The following KNL1 variants were observed in gnomAD, a reference collection of about 807,000 sequenced individuals.
KNL1 encodes outer kinetochore KNL1 complex subunit KNL1.
KNL1 carries 66 observed loss-of-function variants against 201.3 expected under a neutral mutation model. The ratio of observed to expected loss-of-function variants is 0.33; its 90% CI spans 0.27 to 0.40. KNL1 has a LOEUF of 0.40. Among genes scored for constraint, KNL1 ranks in the 10% least tolerant of loss-of-function variants. The probability of loss-of-function intolerance (pLI) is 1.00; values close to 1 mark genes in which losing one functional copy is unlikely to be tolerated. For missense variants in KNL1, 2,815 were observed against 2,690.5 expected, an observed-to-expected ratio of 1.05 and a Z score of -1.02; for synonymous variants, 895 against 899.2, an observed-to-expected ratio of 1.00 and a Z score of 0.08.
chr15:40,651,568 T>C lies in KNL1; in HGVS notation c.6310T>C (p.Leu2104=), dbSNP rs367841176. 3.1e-6 allele frequency: 5 copies of C among 1,599,448 alleles called. No individual in the cohort carries two copies. The highest frequency in any genetic ancestry group is 4.3e-6 in the Non-Finnish European group (5 of 1,173,544). ...RNRTEELLDQ[L]SLSEWDVVEW... ...TAGAACTGAAGAGCTACTGGATCAGTTGAGGTAAGGAAATGCAGGCATCAT... is the reference window on the plus strand; with the variant it reads ...TAGAACTGAAGAGCTACTGGATCAGCTGAGGTAAGGAAATGCAGGCATCAT... Residue 2104 remains leucine (L), a synonymous_variant, in exon 20 of 26, where the codon TTG becomes CTG. Coordinates refer to ENST00000399668, the MANE Select transcript of KNL1 (RefSeq NM_144508.5).
intron 4 of KNL1, among the ~76,000 whole-genome samples, chr15:40,607,927 C>G (rs1022656030): frequency 4.0e-5 from 6 of 151,736 alleles, no homozygotes; most frequent in African/African-American, 1.5e-4. Flanking sequence ...GCCATATGAT[C>G]CAACAATTCC....
At chr15:40,601,079 G>T (rs1307801344) in intron 1 of KNL1, among the ~76,000 whole-genome samples, 1 of 152,194 alleles carries the variant, frequency 6.6e-6, no homozygotes, top group Non-Finnish European at 1.5e-5. Context: ...CCACTGCCTG[G>T]ATGGCACAGT....
At chr15:40,629,486 TTG>T in intron 13 of KNL1, 115 bp downstream of exon 13, 1 of 451,446 alleles carries the variant, frequency 2.2e-6, no homozygotes, top group Non-Finnish European at 3.8e-6. Context: ...TTTTTTTTTT[TTG>T]CCTTTTCTTT....
At chr15:40,640,098 C>G (rs1473750271) in intron 13 of KNL1, among the ~76,000 whole-genome samples, 1 of 124,506 alleles carries the variant, frequency 8.0e-6, no homozygotes, top group East Asian at 2.2e-4. Flanking sequence ...TTTTTCTTTT[C>G]TTTTTTTTTT....
chr15:40,598,432 A>G (rs760309628), intron 1 of KNL1, among the ~76,000 whole-genome samples: 1 of 151,988 alleles, frequency 6.6e-6, no homozygotes, highest in African/African-American at 2.4e-5. Context: ...AAAATTAGCC[A>G]GGAATGGTGG....
At chr15:40,652,660 G>A (rs1390968609) in intron 21 of KNL1, among the ~76,000 whole-genome samples, 4 of 150,694 alleles carry the variant, frequency 2.7e-5, no homozygotes, top group African/African-American at 9.8e-5. Flanking sequence ...TTACTCGGGA[G>A]GCTGAGACAG....
intron 13 of KNL1, among the ~76,000 whole-genome samples, chr15:40,636,705 C>T (rs906852079): frequency 1.3e-5 from 2 of 152,114 alleles, no homozygotes; most frequent in African/African-American, 4.8e-5. Flanking sequence ...GTGGTGCATG[C>T]CTGTAGTCCC....
chr15:40,602,241 G>A (rs1359681874), intron 1 of KNL1, among the ~76,000 whole-genome samples: 1 of 146,240 alleles, frequency 6.8e-6, no homozygotes, highest in Non-Finnish European at 1.5e-5. Flanking sequence ...CACCGTGTTA[G>A]CCAAGATGGT....
At chr15:40,647,489 A>AAAAT (rs1037761837) in intron 17 of KNL1, among the ~76,000 whole-genome samples, 28 of 152,064 alleles carry the variant, frequency 1.8e-4, no homozygotes, top group African/African-American at 6.5e-4. Context: ...AAATAATAAT[A>AAAAT]AAATAAATAA....
intron 25 of KNL1, among the ~76,000 whole-genome samples, chr15:40,661,838 C>G (rs182833289): frequency 3.9e-5 from 6 of 152,038 alleles, no homozygotes; most frequent in African/African-American, 1.2e-4. Context: ...GCCAGGAGAT[C>G]GAGACCATCC....
intron 1 of KNL1, among the ~76,000 whole-genome samples, chr15:40,600,075 CTTTTTT>C (rs10706832): frequency 2.0e-5 from 2 of 100,192 alleles, no homozygotes; most frequent in Non-Finnish European, 2.1e-5. Context: ...TTTGGGATTC[CTTTTTT>C]TTTTTTTTTT....
At chr15:40,658,932 A>AAAAAAAAAAAG (rs1893821456) in intron 24 of KNL1, among the ~76,000 whole-genome samples, 1 of 132,358 alleles carries the variant, frequency 7.6e-6, no homozygotes, top group Admixed American at 7.4e-5. Flanking sequence ...TCCATCTCAA[A>AAAAAAAAAAAG]AAAAAAAAAA....
In KNL1 at chr15:40,623,307, CT is replaced by C; in HGVS notation, c.3044del (p.Leu1015GlnfsTer14). On this transcript the variant is annotated frameshift_variant, in exon 10 of 26. Coordinates refer to ENST00000399668, the MANE Select transcript of KNL1 (RefSeq NM_144508.5). LOFTEE classifies it high-confidence loss of function. ...CCGTCTAGTAGCAAATGACAGCCAG[CT>C]AACCCCTCTGGAGGAATGGTCTAAT... The part of the protein sequence containing the change: ...SDRLVANDSQ[L>X]TPLEEWSNNR... 1 of 1,613,894 alleles carries C rather than the reference CT, an allele frequency of 6.2e-7. No individual in the cohort carries two copies. Among genetic ancestry groups the C allele is most frequent in the Non-Finnish European group, 8.5e-7 (1 of 1,179,860 alleles).
intron 21 of KNL1, 88 bp from the exon 22 acceptor site, chr15:40,654,821 A>C (rs1893671547): frequency 3.2e-6 from 3 of 944,916 alleles, no homozygotes; most frequent in Admixed American, 3.6e-5. Flanking sequence ...GTGGGCCAAG[A>C]CTGCGCCATT....
chr15:40,629,468 T>TTTA, intron 13 of KNL1, 97 bp downstream of exon 13: 1 of 608,870 alleles, frequency 1.6e-6, no homozygotes, highest in Non-Finnish European at 2.7e-6. Flanking sequence ...TATAGAGAGT[T>TTTA]TTCTTTTTTT....
chr15:40,643,880 T>G (rs1002566181), intron 14 of KNL1, among the ~76,000 whole-genome samples: 1 of 152,144 alleles, frequency 6.6e-6, no homozygotes, highest in African/African-American at 2.4e-5. Flanking sequence ...AGAAAAAAAC[T>G]AGGAAGAGTT....
Position 40,624,247 on chromosome 15 carries a change from A to T in KNL1, c.3983A>T (p.Glu1328Val), listed in dbSNP as rs1892657493. 1 of 1,613,878 alleles carries T rather than the reference A, an allele frequency of 6.2e-7. No homozygotes were observed. Among genetic ancestry groups the T allele is most frequent in the African/African-American group, 1.3e-5 (1 of 74,922 alleles). The change falls in exon 10 of 26, where the codon GAA becomes GTA. Residue 1328 changes from glutamate to valine, a missense_variant. This residue lies in a region of KNL1 where 2,464 missense variants were observed against 2,291.7 expected (regional missense o/e 1.08). Transcript: ENST00000399668. ...SAMLLCDKDE[E>V]KANYCPVQND... is the part of the protein sequence containing the mutation. The stretch of plus-strand genomic sequence containing the variant: ...ATGCTCTTATGTGATAAAGATGAGG[A>T]AAAAGCCAATTATTGCCCAGTGCAA...
Position 40,622,261 on chromosome 15 carries a change from T to C in KNL1, c.1997T>C (p.Ile666Thr), listed in dbSNP as rs755699767. The C allele has an allele frequency of 3.7e-6, 6 of 1,613,988 alleles. No individual in the cohort carries two copies. The highest frequency in any genetic ancestry group is 2.2e-5 in the South Asian group (2 of 91,082). Residue 666 changes from isoleucine to threonine, a missense_variant, in exon 10 of 26, where the codon ATA (isoleucine) becomes ACA (threonine). Around this residue, in one of 3 missense-constraint regions of KNL1, gnomAD observed 2,464 missense variants for 2,291.7 expected, o/e 1.08. Transcript: ENST00000399668. ...SPQSADCNQE[I>T]ATSHNIVYCG... ...CAGTCAGCTGATTGTAATCAGGAGA[T>C]AGCAACAAGCCATAATATAGTCTAC...
At chr15:40,658,051 A>G (rs1267810306) in intron 24 of KNL1, among the ~76,000 whole-genome samples, 1 of 152,092 alleles carries the variant, frequency 6.6e-6, no homozygotes, top group Non-Finnish European at 1.5e-5. Flanking sequence ...GCGAATCACA[A>G]GGTCAGGACT....
Sources: gnomAD v4.1 joint callset for allele counts (sites outside exome capture counted in the v4.1 genomes callset) on GRCh38, gnomAD v4.1.1 for gene constraint, gnomAD v4.1.1 regional missense constraint, MANE v1.5 for transcripts, NCBI Gene and HGNC (gene_info 2026-07-23, HGNC 2026-07-21) for gene names.